The following ARHGAP8 variants were observed in gnomAD, a reference collection of about 807,000 sequenced individuals.
The protein encoded by ARHGAP8 is rho GTPase-activating protein 8.
In ARHGAP8, 62 loss-of-function variants were observed where a neutral mutation model predicts 46.1. The ratio of observed to expected loss-of-function variants is 1.34; its 90% CI spans 1.10 to 1.66. ARHGAP8 has a LOEUF of 1.66. Among genes scored for constraint, ARHGAP8 ranks in the 40% most tolerant of loss-of-function variants. The probability of loss-of-function intolerance (pLI) is 0.00; values close to 1 mark genes in which losing one functional copy is unlikely to be tolerated. For missense variants in ARHGAP8, 923 were observed against 568.4 expected, an observed-to-expected ratio of 1.62 and a Z score of -6.34; for synonymous variants, 375 against 243.1, an observed-to-expected ratio of 1.54 and a Z score of -5.05.
At chr22:44,771,428 G>A (rs1018339117) in intron 1 of ARHGAP8, among the ~76,000 whole-genome samples, 3 of 151,678 alleles carry the variant, frequency 2.0e-5, no homozygotes, top group African/African-American at 7.3e-5. Flanking sequence ...TGTGATTTTA[G>A]TAGAGATGTG....
rs1601533082 is a variant in ARHGAP8 at position 44,859,543 on chromosome 22, A to C, written c.878-188A>C. The C allele has an allele frequency of 4.9e-6, 3 of 615,654 alleles. No individual in the cohort carries two copies. In the East Asian group the frequency reaches 8.3e-5, roughly 17 times the overall value. The allele number at this position is 615,654 out of a possible 1,614,324, so 38.1% of individuals were successfully genotyped here. ...TATAAATAACCCCATCTCAGCAAGA[A>C]TAGCCAAACACACAGGTTTGCTGAG... is the stretch of plus-strand genomic sequence containing the variant. On this transcript the variant is annotated intron_variant, in intron 10 of 11. Transcript: ENST00000356099.
intron 7 of ARHGAP8, among the ~76,000 whole-genome samples, chr22:44,840,507 C>T (rs906211539): frequency 6.6e-6 from 1 of 152,100 alleles, no homozygotes; most frequent in East Asian, 1.9e-4. Flanking sequence ...TTAGTCTATT[C>T]CGGTTGCTAT....
intron 1 of ARHGAP8, among the ~76,000 whole-genome samples, chr22:44,782,649 T>C (rs6006881): frequency 0.88 from 133,466 of 152,174 alleles, 58,619 homozygotes; most frequent in Non-Finnish European, 0.89. Flanking sequence ...CAAGTTCCTC[T>C]ATGTTGGGTC....
chr22:44,783,348 G>A (rs1557560), intron 1 of ARHGAP8, among the ~76,000 whole-genome samples: 134,413 of 151,666 alleles, frequency 0.89, 59,834 homozygotes, highest in Non-Finnish European at 0.94. Context: ...AGAGGCAGGC[G>A]GGCAGTCCAT....
chr22:44,854,783 C>T (rs2070180882), intron 10 of ARHGAP8, among the ~76,000 whole-genome samples: 1 of 151,686 alleles, frequency 6.6e-6, no homozygotes, highest in Non-Finnish European at 1.5e-5. Context: ...GGATTACAGG[C>T]ACCGGCCATC....
At chr22:44,859,169 T>C (rs889195026) in intron 10 of ARHGAP8, among the ~76,000 whole-genome samples, 6 of 152,134 alleles carry the variant, frequency 3.9e-5, no homozygotes, top group Non-Finnish European at 7.4e-5. Context: ...GGATGGAGCT[T>C]GTAGAATTCA....
intron 1 of ARHGAP8, among the ~76,000 whole-genome samples, chr22:44,759,056 C>G (rs569768625): frequency 6.6e-6 from 1 of 152,210 alleles, no homozygotes; most frequent in African/African-American, 2.4e-5. Context: ...CCTGGAATGG[C>G]AGAGAAAGAG....
At chr22:44,794,076 C>G (rs533257790) in intron 2 of ARHGAP8, among the ~76,000 whole-genome samples, 1 of 152,174 alleles carries the variant, frequency 6.6e-6, no homozygotes, top group Non-Finnish European at 1.5e-5. Flanking sequence ...GCCAGCTGCT[C>G]GCGTCAACCC....
chr22:44,808,391 G>C lies in ARHGAP8; in HGVS notation c.252G>C (p.Lys84Asn). The C allele has an allele frequency of 6.2e-7, 1 of 1,614,242 alleles. No individual in the cohort carries two copies. The highest frequency in any genetic ancestry group is 8.5e-7 in the Non-Finnish European group (1 of 1,180,050). ...ACTACGGGCTGAACAGCCGGAACAA[G>C]CCTTCCCTGGGCTGGCTCCAGAGCG... is the stretch of plus-strand genomic sequence containing the variant. The part of the protein sequence containing the change: ...YFHYGLNSRN[K>N]PSLGWLQSAY... The change falls in exon 4 of 12, where the codon AAG becomes AAC. Residue 84 changes from lysine to asparagine, a missense_variant. Physicochemically the swap from Lys to Asn is moderately conservative, Grantham distance 94 (BLOSUM62 0). Transcript: ENST00000356099.
intron 4 of ARHGAP8, among the ~76,000 whole-genome samples, chr22:44,811,270 C>A (rs1384375075): frequency 6.6e-6 from 1 of 152,202 alleles, no homozygotes; most frequent in Non-Finnish European, 1.5e-5. Context: ...ATCTGTGTTG[C>A]CAGCAGTGAC....
chr22:44,848,193 A>G (rs1197433402), intron 9 of ARHGAP8, 143 bp downstream of exon 9: 2 of 1,221,022 alleles, frequency 1.6e-6, no homozygotes, highest in Admixed American at 2.2e-5. Context: ...GCAGCTTCCC[A>G]GGAGGCATCG....
chr22:44,860,698 G>T, intron 11 of ARHGAP8, among the ~76,000 whole-genome samples: 1 of 152,106 alleles, frequency 6.6e-6, no homozygotes, highest in South Asian at 2.1e-4. Flanking sequence ...CTGGGCCTGG[G>T]CTTAGTGTGC....
chr22:44,775,967 G>GT (rs1569138833), intron 1 of ARHGAP8, among the ~76,000 whole-genome samples: 1 of 152,144 alleles, frequency 6.6e-6, no homozygotes, highest in Non-Finnish European at 1.5e-5. Flanking sequence ...TCAGAAACCA[G>GT]TAGCCTTCCT....
intron 7 of ARHGAP8, among the ~76,000 whole-genome samples, chr22:44,833,215 G>C (rs146762872): frequency 1.3e-5 from 2 of 150,946 alleles, no homozygotes; most frequent in African/African-American, 2.4e-5. Flanking sequence ...TCCTGTCTCA[G>C]CTTCCCAAGT....
chr22:44,830,358 A>G (rs1930858233), intron 7 of ARHGAP8, among the ~76,000 whole-genome samples: 1 of 146,012 alleles, frequency 6.8e-6, no homozygotes, highest in African/African-American at 2.6e-5. Flanking sequence ...TTTAGACAGA[A>G]TCTCGCTCCA....
At chr22:44,784,139 C>T (rs1376600252) in intron 1 of ARHGAP8, among the ~76,000 whole-genome samples, 1 of 152,178 alleles carries the variant, frequency 6.6e-6, no homozygotes, top group Admixed American at 6.5e-5. Context: ...CACGGTGACT[C>T]ACACCTGTAA....
At position 44,862,679 on chromosome 22, in the gene ARHGAP8, A is replaced by G; in HGVS notation, c.*84A>G. On this transcript the variant is annotated 3_prime_UTR_variant, in exon 12 of 12. Coordinates refer to ENST00000356099, the MANE Select transcript of ARHGAP8 (RefSeq NM_181335.3). The stretch of plus-strand genomic sequence containing the variant: ...GTTTTGTAAACTTGGCATCTGTAAA[A>G]ATAACCAGCCATTAGATGAATTCAG... The G allele has an allele frequency of 4.8e-6, 7 of 1,450,106 alleles. No individual in the cohort carries two copies. Among genetic ancestry groups the G allele is most frequent in the Admixed American group, 2.5e-5 (1 of 39,754 alleles). The allele number at this position is 1,450,106 out of a possible 1,614,324, so 89.8% of individuals were successfully genotyped here. A position where few individuals can be genotyped will look rare whatever the true frequency, so the allele number is the denominator to read the frequency against.
At chr22:44,786,958 A>G (rs1927285492) in intron 2 of ARHGAP8, among the ~76,000 whole-genome samples, 1 of 150,338 alleles carries the variant, frequency 6.7e-6, no homozygotes, top group Non-Finnish European at 1.5e-5. Context: ...CAGAGGTTGC[A>G]CAGTGAGCCA....
At chr22:44,796,391 G>A (rs967817316) in intron 2 of ARHGAP8, among the ~76,000 whole-genome samples, 22 of 152,196 alleles carry the variant, frequency 1.4e-4, no homozygotes, top group African/African-American at 4.8e-4. Flanking sequence ...TTCGGAATGC[G>A]GCTGGCCCTC....
Sources: gnomAD v4.1 joint callset for allele counts (sites outside exome capture counted in the v4.1 genomes callset) on GRCh38, gnomAD v4.1.1 for gene constraint, MANE v1.5 for transcripts, NCBI Gene and HGNC (gene_info 2026-07-23, HGNC 2026-07-21) for gene names.